SCHIP1: variants seen among roughly 807,000 people sequenced by gnomAD.
SCHIP1 encodes the protein schwannomin-interacting protein 1.
SCHIP1 carries 8 observed loss-of-function variants against 29.7 expected under a neutral mutation model. That is an observed-to-expected ratio of 0.27 (90% confidence interval 0.16 to 0.49). The LOEUF is 0.49. SCHIP1 is among the 20% of genes least tolerant of loss of function. The pLI, the probability that SCHIP1 is intolerant of heterozygous loss-of-function variation, is 0.99. For synonymous variants in SCHIP1, 76 were observed against 94.9 expected, an observed-to-expected ratio of 0.80 and a Z score of 1.16; for missense variants, 193 against 294.6, an observed-to-expected ratio of 0.66 and a Z score of 2.52.
the SCHIP1 span, among the ~76,000 whole-genome samples, chr3:159,624,437 C>A: frequency 6.6e-6 from 1 of 152,194 alleles, no homozygotes; most frequent in South Asian, 2.1e-4. Flanking sequence ...GTATAATATT[C>A]TCCCAGCATG....
At chr3:159,774,048 A>G in the SCHIP1 span, among the ~76,000 whole-genome samples, 1 of 152,340 alleles carries the variant, frequency 6.6e-6, no homozygotes, top group East Asian at 1.9e-4. Flanking sequence ...GCTGATTTGT[A>G]GTGTTTTTGA....
At chr3:159,636,526 C>A in the SCHIP1 span, among the ~76,000 whole-genome samples, 2 of 152,270 alleles carry the variant, frequency 1.3e-5, no homozygotes, top group Non-Finnish European at 2.9e-5. Context: ...TAAAAGTTAT[C>A]AAGCTATAAG....
the SCHIP1 span, among the ~76,000 whole-genome samples, chr3:159,554,012 GTGTGTGTTTGTGTA>G: frequency 4.6e-5 from 5 of 107,902 alleles, no homozygotes; most frequent in South Asian, 2.9e-4. Context: ...GTGTGTGTGT[GTGTGTGTTTGTGTA>G]TGTGTGTGTG....
chr3:159,304,021 C>T, the SCHIP1 span, among the ~76,000 whole-genome samples: 206 of 138,200 alleles, frequency 1.5e-3, no homozygotes, highest in Middle Eastern at 3.7e-3. Flanking sequence ...CCTCCCCCAA[C>T]CCCACAGCAG....
the SCHIP1 span, among the ~76,000 whole-genome samples, chr3:159,423,097 C>G: frequency 6.6e-6 from 1 of 152,148 alleles, no homozygotes; most frequent in South Asian, 2.1e-4. Flanking sequence ...CGAATAGGAA[C>G]AGCTCCAGTC....
chr3:159,852,447 A>G (rs1227881094), intron 1 of SCHIP1, among the ~76,000 whole-genome samples: 1 of 152,152 alleles, frequency 6.6e-6, no homozygotes, highest in Admixed American at 6.5e-5. Context: ...GTGTGTTTGT[A>G]TGTGCACTTC....
At chr3:159,399,797 CTCCTGGGTAGCTAGGATT>C in the SCHIP1 span, among the ~76,000 whole-genome samples, 1 of 152,120 alleles carries the variant, frequency 6.6e-6, no homozygotes, top group East Asian at 1.9e-4. Context: ...TTTCTTCAGC[CTCCTGGGTAGCTAGGATT>C]ATAGGCACAC....
the SCHIP1 span, among the ~76,000 whole-genome samples, chr3:159,280,754 T>A: frequency 2.6e-5 from 4 of 152,194 alleles, no homozygotes; most frequent in Admixed American, 2.0e-4. Flanking sequence ...CAACACCAAG[T>A]GGCTAAAAGC....
the SCHIP1 span, among the ~76,000 whole-genome samples, chr3:159,763,187 G>A: frequency 5.3e-5 from 8 of 152,232 alleles, no homozygotes; most frequent in African/African-American, 1.7e-4. Context: ...GGAGCTGCGC[G>A]GTGGAGGGAG....
chr3:159,392,678 T>C, the SCHIP1 span, among the ~76,000 whole-genome samples: 1 of 152,032 alleles, frequency 6.6e-6, no homozygotes, highest in Non-Finnish European at 1.5e-5. Context: ...TTCCATGGTG[T>C]ATATGTGCCA....
chr3:159,656,028 G>A, the SCHIP1 span, among the ~76,000 whole-genome samples: 1 of 152,214 alleles, frequency 6.6e-6, no homozygotes, highest in East Asian at 1.9e-4. Context: ...AAAGAGAACA[G>A]CAGTCCCAAG....
At chr3:159,849,017 A>G (rs551519224) in intron 1 of SCHIP1, among the ~76,000 whole-genome samples, 1 of 151,738 alleles carries the variant, frequency 6.6e-6, no homozygotes, top group African/African-American at 2.4e-5. Context: ...CAGATGTTCT[A>G]TCACTTGTCT....
At chr3:159,312,939 G>A in the SCHIP1 span, among the ~76,000 whole-genome samples, 1 of 152,160 alleles carries the variant, frequency 6.6e-6, no homozygotes, top group Non-Finnish European at 1.5e-5. Context: ...CTTTGCTTTT[G>A]CAGATCCTTG....
chr3:159,443,798 C>T, the SCHIP1 span, among the ~76,000 whole-genome samples: 1 of 152,194 alleles, frequency 6.6e-6, no homozygotes, highest in African/African-American at 2.4e-5. Flanking sequence ...TGAGCCATCG[C>T]ACCCAGCCTA....
chr3:159,371,864 T>A, the SCHIP1 span, among the ~76,000 whole-genome samples: 5 of 152,184 alleles, frequency 3.3e-5, no homozygotes, highest in South Asian at 2.1e-4. Flanking sequence ...ATGCAATTTT[T>A]AAAAATGTAT....
the SCHIP1 span, among the ~76,000 whole-genome samples, chr3:159,638,496 C>T: frequency 6.6e-6 from 1 of 152,024 alleles, no homozygotes; most frequent in African/African-American, 2.4e-5. Flanking sequence ...GCTCATTCAA[C>T]TACATCACCC....
the SCHIP1 span, among the ~76,000 whole-genome samples, chr3:159,593,209 A>G: frequency 2.6e-4 from 39 of 152,308 alleles, no homozygotes; most frequent in African/African-American, 8.7e-4. Flanking sequence ...AGTTAGAGAA[A>G]ACAAATTCAA....
At chr3:159,453,555 T>C in the SCHIP1 span, among the ~76,000 whole-genome samples, 2 of 152,206 alleles carry the variant, frequency 1.3e-5, no homozygotes, top group African/African-American at 4.8e-5. Flanking sequence ...TTTTTAAGCC[T>C]CATTTTTCTC....
the SCHIP1 span, among the ~76,000 whole-genome samples, chr3:159,447,704 C>T: frequency 5.9e-5 from 9 of 152,120 alleles, no homozygotes; most frequent in African/African-American, 1.9e-4. Flanking sequence ...TTCCCAGGCT[C>T]AATATGATGG....
Sources: allele counts gnomAD v4.1 joint callset (sites outside exome capture counted in the v4.1 genomes callset), GRCh38; gene constraint gnomAD v4.1.1; transcripts MANE v1.5; gene names NCBI Gene and HGNC (gene_info 2026-07-23, HGNC 2026-07-21).